TINAG: variants seen among roughly 807,000 people sequenced by gnomAD.
TINAG encodes the protein tubulointerstitial nephritis antigen.
A neutral mutation model predicts 72.7 loss-of-function variants in TINAG; 83 were observed. That is an observed-to-expected ratio of 1.14 (90% CI 0.96 to 1.37). The LOEUF (loss-of-function observed/expected upper bound fraction) is 1.37, where lower values mean the gene tolerates loss of function less well. Ranked by LOEUF, TINAG falls within the 40% of genes most tolerant of loss-of-function variation. The pLI is 0.00. For missense variants in TINAG, 685 were observed against 576.6 expected, an observed-to-expected ratio of 1.19 and a Z score of -1.93; for synonymous variants, 234 against 189.9, an observed-to-expected ratio of 1.23 and a Z score of -1.91.
At chr6:54,333,002 C>CT (rs886650022) in intron 4 of TINAG, among the ~76,000 whole-genome samples, 7 of 152,162 alleles carry the variant, frequency 4.6e-5, no homozygotes, top group Middle Eastern at 3.4e-3. Context: ...AATAGGAATG[C>CT]TTTTTTTACT....
chr6:54,354,394 C>T (rs1562169334), intron 8 of TINAG, 119 bp from the exon 9 acceptor site: 5 of 872,458 alleles, frequency 5.7e-6, no homozygotes, highest in Non-Finnish European at 8.7e-6. Context: ...AATCACACAG[C>T]CCCTTCTTAG....
chr6:54,342,616 C>T (rs1785024870), intron 4 of TINAG, among the ~76,000 whole-genome samples: 1 of 152,144 alleles, frequency 6.6e-6, no homozygotes, highest in Admixed American at 6.5e-5. Context: ...GATCCACCCG[C>T]CTCAGCCTCC....
At chr6:54,330,453 A>G (rs1362378413) in intron 4 of TINAG, among the ~76,000 whole-genome samples, 2 of 152,108 alleles carry the variant, frequency 1.3e-5, no homozygotes, top group Non-Finnish European at 2.9e-5. Context: ...CACAGCTAAA[A>G]CAGTGTTTAG....
At chr6:54,367,760 T>C (rs1020258609) in intron 9 of TINAG, among the ~76,000 whole-genome samples, 2 of 151,862 alleles carry the variant, frequency 1.3e-5, no homozygotes, top group African/African-American at 4.8e-5. Context: ...TCCTTCAGAC[T>C]GCTGTAACAA....
intron 3 of TINAG, 41 bp downstream of exon 3, chr6:54,321,427 T>A (rs1297505560): frequency 7.3e-7 from 1 of 1,369,444 alleles, no homozygotes; most frequent in Non-Finnish European, 1.0e-6. Flanking sequence ...GACACTGCCA[T>A]TTACTATGCA....
Position 54,371,978 on chromosome 6 carries a change from C to A in TINAG, c.1251-8548C>A, listed in dbSNP as rs557452234. Among the ~76,000 whole-genome samples, 100 of 98,176 alleles carry A rather than the reference C, an allele frequency of 1.0e-3. 1 individual carries two copies. Among genetic ancestry groups the A allele is most frequent in the African/African-American group, 3.1e-3 (91 of 28,988 alleles). 64.4% of individuals were successfully genotyped at this position (98,176 alleles called of 152,430 possible). A position where few individuals can be genotyped will look rare whatever the true frequency, so the allele number is the denominator to read the frequency against. ...CAGGTTTATAAAATGGCTTTCAAGTCATGTTTTTTTTTTTTTTTTTTTTTT... is the reference window on the plus strand; with the variant it reads ...CAGGTTTATAAAATGGCTTTCAAGTAATGTTTTTTTTTTTTTTTTTTTTTT... On this transcript the variant is annotated intron_variant, in intron 9 of 10. Transcript: ENST00000259782.
At chr6:54,355,547 T>G (rs1763011047) in intron 9 of TINAG, among the ~76,000 whole-genome samples, 1 of 151,950 alleles carries the variant, frequency 6.6e-6, no homozygotes, top group South Asian at 2.1e-4. Flanking sequence ...TTTTAAATAC[T>G]CTAATATTTC....
chr6:54,327,472 C>T (rs1440669105), intron 4 of TINAG, among the ~76,000 whole-genome samples: 1 of 152,140 alleles, frequency 6.6e-6, no homozygotes, highest in South Asian at 2.1e-4. Flanking sequence ...CAGGAGATTC[C>T]CTCAGGTGCC....
At chr6:54,320,720 C>A (rs75395483) in intron 2 of TINAG, 78 bp downstream of exon 2, 4 of 1,167,166 alleles carry the variant, frequency 3.4e-6, no homozygotes, top group East Asian at 2.4e-5. Context: ...TATTTGTGAA[C>A]CAAAGTATAC....
chr6:54,326,927 C>T lies in TINAG; in HGVS notation c.624+11C>T, dbSNP rs1784616950. 1 of 1,612,992 alleles carries T rather than the reference C, an allele frequency of 6.2e-7. No individual in the cohort carries two copies. The highest frequency in any genetic ancestry group is 8.5e-7 in the Non-Finnish European group (1 of 1,179,734). On this transcript the variant is annotated intron_variant, in intron 4 of 10. Transcript: ENST00000259782. ...ATGAATGAAATGACAGTAAGTGTTCCTTCTGATTCACGTATGTGCATGTAT... is the reference window on the plus strand; with the variant it reads ...ATGAATGAAATGACAGTAAGTGTTCTTTCTGATTCACGTATGTGCATGTAT...
At chr6:54,354,330 T>C (rs554814251) in intron 8 of TINAG, among the ~76,000 whole-genome samples, 183 bp from the exon 9 acceptor site, 18 of 152,004 alleles carry the variant, frequency 1.2e-4, no homozygotes, top group African/African-American at 4.3e-4. Flanking sequence ...GTTGTTTTTA[T>C]AAGATAAAAA....
chr6:54,349,702 C>T lies in TINAG; in HGVS notation c.900-14C>T. The T allele has an allele frequency of 6.6e-7, 1 of 1,526,088 alleles. No individual in the cohort carries two copies. Among genetic ancestry groups the T allele is most frequent in the Non-Finnish European group, 8.9e-7 (1 of 1,127,898 alleles). 94.5% of individuals were successfully genotyped at this position (1,526,088 alleles called of 1,614,324 possible). A position where few individuals can be genotyped will look rare whatever the true frequency, so the allele number is the denominator to read the frequency against. ...CCTAAATATTACCTTTGCTTCTTTG[C>T]TTATTCCTCATAGACTGGTATCCCA... On this transcript the variant is annotated splice_polypyrimidine_tract_variant and intron_variant, in intron 6 of 10. Transcript: ENST00000259782.
chr6:54,360,684 A>T (rs1400892732), intron 9 of TINAG, among the ~76,000 whole-genome samples: 1 of 151,598 alleles, frequency 6.6e-6, no homozygotes, highest in Non-Finnish European at 1.5e-5. Context: ...GAATAAATTC[A>T]ACAGTAACAT....
intron 9 of TINAG, among the ~76,000 whole-genome samples, chr6:54,360,248 C>T (rs1397864012): frequency 6.6e-6 from 1 of 151,658 alleles, no homozygotes; most frequent in Non-Finnish European, 1.5e-5. Context: ...CCTCTCTCTT[C>T]CCTTTCAATA....
At chr6:54,355,063 G>A (rs886240965) in intron 9 of TINAG, among the ~76,000 whole-genome samples, 1 of 151,884 alleles carries the variant, frequency 6.6e-6, no homozygotes, top group Admixed American at 6.6e-5. Context: ...TTATATTTAT[G>A]TGAGAATTGT....
At chr6:54,358,730 C>T (rs1389169080) in intron 9 of TINAG, among the ~76,000 whole-genome samples, 2 of 151,746 alleles carry the variant, frequency 1.3e-5, no homozygotes, top group South Asian at 4.1e-4. Flanking sequence ...CTACTCTTTG[C>T]CTTTCTTTTT....
At chr6:54,339,936 G>A (rs2150952144) in intron 4 of TINAG, among the ~76,000 whole-genome samples, 1 of 152,266 alleles carries the variant, frequency 6.6e-6, no homozygotes, top group South Asian at 2.1e-4. Flanking sequence ...AGAGGATATT[G>A]TGTGGATACA....
At chr6:54,313,606 C>G in intron 1 of TINAG, among the ~76,000 whole-genome samples, 1 of 152,172 alleles carries the variant, frequency 6.6e-6, no homozygotes, top group African/African-American at 2.4e-5. Context: ...TATACAGCAG[C>G]TTCTTAAGAG....
intron 9 of TINAG, among the ~76,000 whole-genome samples, chr6:54,360,060 AG>A (rs1763176286): frequency 6.7e-6 from 1 of 149,186 alleles, no homozygotes; most frequent in Non-Finnish European, 1.5e-5. Flanking sequence ...AAATACAAGG[AG>A]GATTGATTTA....
Sources: gnomAD v4.1 joint callset for allele counts (sites outside exome capture counted in the v4.1 genomes callset) on GRCh38, gnomAD v4.1.1 for gene constraint, MANE v1.5 for transcripts, NCBI Gene and HGNC (gene_info 2026-07-23, HGNC 2026-07-21) for gene names.